SGCZ: variants seen among roughly 807,000 people sequenced by gnomAD.
SGCZ encodes zeta-sarcoglycan.
SGCZ carries 40 observed loss-of-function variants against 41.3 expected under a neutral mutation model. The ratio of observed to expected loss-of-function variants is 0.97; its 90% confidence interval spans 0.75 to 1.26. The LOEUF is 1.26. SGCZ is among the 50% of genes most tolerant of loss of function. The pLI is 0.00. For missense variants in SGCZ, 552 were observed against 369.8 expected (o/e 1.49, Z -4.04); for synonymous variants, 206 against 137.5 (o/e 1.50, Z -3.49).
intron 2 of SGCZ, among the ~76,000 whole-genome samples, chr8:14,415,899 T>C (rs1799479557): frequency 6.6e-6 from 1 of 151,956 alleles, no homozygotes; most frequent in South Asian, 2.1e-4. Flanking sequence ...CAAAACTTCA[T>C]CTTTTTCTGA....
At chr8:14,633,721 C>T (rs1415108822) in intron 1 of SGCZ, among the ~76,000 whole-genome samples, 1 of 151,712 alleles carries the variant, frequency 6.6e-6, no homozygotes, top group East Asian at 1.9e-4. Flanking sequence ...CTTAATTCAA[C>T]AAGTTTAGCC....
chr8:15,111,433 A>C (rs1454988692), intron 1 of SGCZ, among the ~76,000 whole-genome samples: 2 of 152,164 alleles, frequency 1.3e-5, no homozygotes, highest in Admixed American at 6.5e-5. Flanking sequence ...CTGATTGGCC[A>C]AGGACCAATT....
chr8:14,300,737 T>A lies in SGCZ; in HGVS notation c.336+23366A>T, dbSNP rs181395269. Among the ~76,000 whole-genome samples, 6 of 152,126 alleles carry A rather than the reference T, an allele frequency of 3.9e-5. No individual in the cohort carries two copies. In the East Asian group the frequency reaches 7.8e-4, roughly 20 times the overall value. On this transcript the variant is annotated intron_variant, in intron 3 of 7. Transcript: ENST00000382080. ...CCCTGATGATTAGTGATGATCATTT[T>A]AAAAATTTATCTCTTAGCCATACGT...
At chr8:14,751,544 T>C (rs1486237790) in intron 1 of SGCZ, among the ~76,000 whole-genome samples, 1 of 152,166 alleles carries the variant, frequency 6.6e-6, no homozygotes, top group Non-Finnish European at 1.5e-5. Context: ...ACACATCATA[T>C]GTATTAGGAA....
chr8:14,645,544 A>T (rs60309902), intron 1 of SGCZ, among the ~76,000 whole-genome samples: 10,648 of 143,154 alleles, frequency 0.074, 984 homozygotes, highest in East Asian at 0.51. Context: ...AAAATGCTGT[A>T]TATTAGGAAC....
intron 1 of SGCZ, among the ~76,000 whole-genome samples, chr8:14,761,064 C>T (rs1402261941): frequency 6.6e-6 from 1 of 152,142 alleles, no homozygotes; most frequent in African/African-American, 2.4e-5. Context: ...CTATTATTTT[C>T]ACAGAGTAAT....
intron 1 of SGCZ, among the ~76,000 whole-genome samples, chr8:14,869,957 A>G (rs893097196): frequency 2.0e-5 from 3 of 152,238 alleles, no homozygotes; most frequent in Non-Finnish European, 4.4e-5. Flanking sequence ...AAAATATTCC[A>G]TGCTCATGGA....
chr8:14,154,655 G>A (rs1803822719), intron 5 of SGCZ, among the ~76,000 whole-genome samples: 1 of 152,066 alleles, frequency 6.6e-6, no homozygotes, highest in Non-Finnish European at 1.5e-5. Flanking sequence ...AAATCTGATT[G>A]GCTTTAAAAC....
intron 1 of SGCZ, among the ~76,000 whole-genome samples, chr8:14,791,442 T>C (rs1358735175): frequency 6.6e-6 from 1 of 151,380 alleles, no homozygotes; most frequent in Non-Finnish European, 1.5e-5. Flanking sequence ...CAAATCTAGC[T>C]CACACAGAAA....
At chr8:15,057,024 C>T (rs939091015) in intron 1 of SGCZ, among the ~76,000 whole-genome samples, 1 of 152,206 alleles carries the variant, frequency 6.6e-6, no homozygotes, top group Non-Finnish European at 1.5e-5. Context: ...TGAGGTCACA[C>T]TGCCAACAGC....
intron 1 of SGCZ, among the ~76,000 whole-genome samples, chr8:15,163,825 G>T (rs2117046567): frequency 6.6e-6 from 1 of 152,296 alleles, no homozygotes; most frequent in African/African-American, 2.4e-5. Context: ...CTGTCCAAAA[G>T]AAAAATTCAA....
At chr8:15,180,058 G>A (rs1800122529) in intron 1 of SGCZ, among the ~76,000 whole-genome samples, 1 of 152,158 alleles carries the variant, frequency 6.6e-6, no homozygotes, top group South Asian at 2.1e-4. Flanking sequence ...AGTGATTACA[G>A]AAGGTTGCTT....
At chr8:14,155,681 G>A (rs1008506047) in intron 5 of SGCZ, among the ~76,000 whole-genome samples, 13 of 150,214 alleles carry the variant, frequency 8.7e-5, no homozygotes, top group African/African-American at 2.2e-4. Context: ...TCAATCAAAC[G>A]TATTGTCATT....
intron 1 of SGCZ, among the ~76,000 whole-genome samples, chr8:14,829,617 A>G (rs1400453567): frequency 6.6e-6 from 1 of 152,088 alleles, no homozygotes; most frequent in Non-Finnish European, 1.5e-5. Context: ...ATAATTTCCA[A>G]TTTTCTGCAC....
intron 1 of SGCZ, among the ~76,000 whole-genome samples, chr8:14,950,288 GC>G (rs1459147875): frequency 6.6e-6 from 1 of 151,926 alleles, no homozygotes; most frequent in African/African-American, 2.4e-5. Flanking sequence ...GTTCTGTATT[GC>G]CAAGCACATG....
intron 1 of SGCZ, among the ~76,000 whole-genome samples, chr8:14,978,379 G>T (rs1801551338): frequency 8.3e-6 from 1 of 120,224 alleles, no homozygotes; most frequent in Non-Finnish European, 1.6e-5. Flanking sequence ...GCTGAGGCAG[G>T]AGAATCACTT....
chr8:14,509,097 C>T (rs952531944), intron 2 of SGCZ, among the ~76,000 whole-genome samples: 11 of 152,012 alleles, frequency 7.2e-5, no homozygotes, highest in Non-Finnish European at 1.5e-4. Flanking sequence ...ATATAAGGCT[C>T]TTTATGTATT....
chr8:14,661,433 CTT>C (rs939395297), intron 1 of SGCZ, among the ~76,000 whole-genome samples: 2 of 152,038 alleles, frequency 1.3e-5, no homozygotes, highest in African/African-American at 4.8e-5. Context: ...TAAAATGTAA[CTT>C]AAGGTAAATA....
chr8:14,148,350 A>G (rs1803591613), intron 5 of SGCZ, among the ~76,000 whole-genome samples: 1 of 152,042 alleles, frequency 6.6e-6, no homozygotes, highest in South Asian at 2.1e-4. Flanking sequence ...AGAAACAAAA[A>G]AGGAGTCATT....
Sources: gnomAD v4.1 joint callset for allele counts (sites outside exome capture counted in the v4.1 genomes callset) on GRCh38, gnomAD v4.1.1 for gene constraint, MANE v1.5 for transcripts, NCBI Gene and HGNC (gene_info 2026-07-23, HGNC 2026-07-21) for gene names.